The following DCC variants were observed in gnomAD, a reference collection of about 807,000 sequenced individuals.
DCC encodes the protein netrin receptor DCC.
In DCC, 58 loss-of-function variants were observed where a neutral mutation model predicts 172.5. The ratio of observed to expected loss-of-function variants is 0.34; its 90% CI spans 0.27 to 0.42. DCC has a LOEUF of 0.42. DCC is among the 10% of genes least tolerant of loss of function. The pLI, the probability that DCC is intolerant of heterozygous loss-of-function variation, is 1.00. For missense variants in DCC, 1,740 were observed against 1,791.0 expected (o/e 0.97, Z 0.51); for synonymous variants, 709 against 644.5 (o/e 1.10, Z -1.52).
At chr18:52,359,081 G>T (rs1488823859) in intron 1 of DCC, among the ~76,000 whole-genome samples, 2 of 152,204 alleles carry the variant, frequency 1.3e-5, no homozygotes, top group African/African-American at 2.4e-5. Context: ...TCTGGGGACA[G>T]ATGTTGCATT....
intron 1 of DCC, among the ~76,000 whole-genome samples, chr18:52,620,471 C>T (rs1285416319): frequency 2.0e-5 from 3 of 152,168 alleles, no homozygotes; most frequent in Non-Finnish European, 1.5e-5. Flanking sequence ...GTAATAGACT[C>T]TGAACCGAAT....
At position 53,214,272 on chromosome 18, in the gene DCC, C is replaced by T. The variant is rs559566125; in HGVS notation, c.1862-1276C>T. On this transcript the variant is annotated intron_variant, in intron 11 of 28. Coordinates refer to ENST00000442544, the MANE Select transcript of DCC (RefSeq NM_005215.4). ...GGCACTAAGATCAGAAGTTCAAAAT[C>T]AAAATAAAAAAAAAAGATTTCATTT... Among the ~76,000 whole-genome samples, 57 of 150,410 alleles carry T rather than the reference C, an allele frequency of 3.8e-4. No homozygotes were observed. The South Asian group carries it at 0.01, about 28-fold the overall frequency.
At chr18:52,785,580 C>T (rs955560951) in intron 2 of DCC, among the ~76,000 whole-genome samples, 8 of 151,950 alleles carry the variant, frequency 5.3e-5, no homozygotes, top group Admixed American at 4.6e-4. Context: ...TCTAAGGGTC[C>T]TCAGAAGAAA....
chr18:52,447,966 G>A (rs935927759), intron 1 of DCC, among the ~76,000 whole-genome samples: 4 of 152,210 alleles, frequency 2.6e-5, no homozygotes, highest in South Asian at 2.1e-4. Context: ...TGGGGACACC[G>A]AACCAAGCCA....
intron 25 of DCC, among the ~76,000 whole-genome samples, chr18:53,470,672 T>C (rs1280257902): frequency 2.0e-5 from 3 of 151,880 alleles, no homozygotes; most frequent in Admixed American, 6.6e-5. Context: ...CTCAGAATCA[T>C]GGCGGAAGGT....
chr18:52,990,821 C>A (rs924380639), intron 5 of DCC, among the ~76,000 whole-genome samples: 1 of 152,090 alleles, frequency 6.6e-6, no homozygotes, highest in African/African-American at 2.4e-5. Context: ...GTGCCAGATT[C>A]ATAGCAAAAT....
intron 5 of DCC, among the ~76,000 whole-genome samples, chr18:53,044,594 T>C (rs1273845342): frequency 6.6e-6 from 1 of 151,830 alleles, no homozygotes; most frequent in African/African-American, 2.4e-5. Context: ...CTTTAGGATA[T>C]AAAGTAATAA....
Position 52,504,017 on chromosome 18 carries a change from C to T in DCC, c.91+163139C>T, listed in dbSNP as rs117064733. 1.2e-4 allele frequency among the ~76,000 whole-genome samples: 18 copies of T among 152,242 alleles called. No individual in the cohort carries two copies. In the East Asian group the frequency reaches 3.5e-3, roughly 29 times the overall value. ...CACCCTCTACTCTCAACCTTATAAA[C>T]ATAAATGGAGCATTTCTGCCAGTAA... On this transcript the variant is annotated intron_variant, in intron 1 of 28. Transcript: ENST00000442544.
chr18:53,106,842 A>G (rs376453899), intron 7 of DCC, among the ~76,000 whole-genome samples: 1 of 152,090 alleles, frequency 6.6e-6, no homozygotes, highest in Admixed American at 6.6e-5. Context: ...AAAGCAAAAA[A>G]TCATGGGGTA....
At chr18:52,356,822 G>A (rs112289547) in intron 1 of DCC, among the ~76,000 whole-genome samples, 12 of 151,540 alleles carry the variant, frequency 7.9e-5, no homozygotes, top group South Asian at 4.2e-4. Flanking sequence ...TCACTCTGTC[G>A]CCTAGGCTGG....
At chr18:53,467,551 T>A (rs1190615206) in intron 24 of DCC, among the ~76,000 whole-genome samples, 1 of 152,200 alleles carries the variant, frequency 6.6e-6, no homozygotes, top group Non-Finnish European at 1.5e-5. Flanking sequence ...CAGAGAAAGA[T>A]TTTTGTGTTA....
At chr18:53,385,881 C>T (rs1327596877) in intron 15 of DCC, among the ~76,000 whole-genome samples, 162 bp from the exon 16 acceptor site, 2 of 152,332 alleles carry the variant, frequency 1.3e-5, no homozygotes, top group East Asian at 1.9e-4. Flanking sequence ...AACCCTACTG[C>T]TACCACCCAC....
At chr18:53,517,291 A>C (rs1176550523) in intron 27 of DCC, among the ~76,000 whole-genome samples, 6 of 148,942 alleles carry the variant, frequency 4.0e-5, no homozygotes, top group African/African-American at 1.5e-4. Context: ...CACTCTGGGG[A>C]CTGTTGTGGG....
chr18:53,003,079 A>T (rs2041590925), intron 5 of DCC, among the ~76,000 whole-genome samples: 1 of 152,138 alleles, frequency 6.6e-6, no homozygotes, highest in African/African-American at 2.4e-5. Context: ...TGTGCTGAAA[A>T]CAAACCTCTA....
chr18:53,465,120 A>C (rs952996028), intron 24 of DCC, among the ~76,000 whole-genome samples: 5 of 152,148 alleles, frequency 3.3e-5, no homozygotes, highest in Non-Finnish European at 5.9e-5. Flanking sequence ...ATAATTTTGA[A>C]AACTAAAGAG....
chr18:52,662,993 T>C (rs2035391265), intron 1 of DCC, among the ~76,000 whole-genome samples: 1 of 152,152 alleles, frequency 6.6e-6, no homozygotes, highest in Non-Finnish European at 1.5e-5. Flanking sequence ...TTTCAAAATA[T>C]GAATGTTAGG....
At chr18:52,941,133 A>T (rs2040454680) in intron 5 of DCC, 1 of 152,200 alleles carries the variant, frequency 6.6e-6, no homozygotes. Flanking sequence ...CAAATTCAAG[A>T]ATACTGTAGG....
intron 5 of DCC, among the ~76,000 whole-genome samples, chr18:53,041,075 T>C (rs1441444354): frequency 6.6e-6 from 1 of 152,074 alleles, no homozygotes; most frequent in Non-Finnish European, 1.5e-5. Context: ...TTTGTTGCAA[T>C]TGCTTTTGGT....
chr18:53,292,637 C>G (rs1365270663), intron 12 of DCC, among the ~76,000 whole-genome samples: 4 of 152,042 alleles, frequency 2.6e-5, no homozygotes, highest in Non-Finnish European at 5.9e-5. Flanking sequence ...TGCAGTGAGC[C>G]GAGATCGTGC....
Sources: allele counts gnomAD v4.1 joint callset (sites outside exome capture counted in the v4.1 genomes callset), GRCh38; gene constraint gnomAD v4.1.1; transcripts MANE v1.5; gene names NCBI Gene and HGNC (gene_info 2026-07-23, HGNC 2026-07-21).